The following RAB11FIP3 variants were observed in gnomAD, a reference collection of about 807,000 sequenced individuals.
The protein encoded by RAB11FIP3 is RAB11 family interacting protein 3.
RAB11FIP3 carries 17 observed loss-of-function variants against 77.8 expected under a neutral mutation model. That is an observed-to-expected ratio of 0.22 (90% confidence interval 0.15 to 0.33). The LOEUF (loss-of-function observed/expected upper bound fraction) is 0.33, where lower values mean the gene tolerates loss of function less well. Among genes scored for constraint, RAB11FIP3 ranks in the 10% least tolerant of loss-of-function variants. The pLI is 1.00. For missense variants in RAB11FIP3, 1,005 were observed against 1,011.2 expected, an observed-to-expected ratio of 0.99 and a Z score of 0.08; for synonymous variants, 437 against 448.2, an observed-to-expected ratio of 0.98 and a Z score of 0.31.
rs2032321933 is a variant in RAB11FIP3 at position 514,595 on chromosome 16, A to G, written c.1640+3795A>G. ...GACATCCTTGTTTAGGGACCGGGAA[A>G]GGAGAATATGTGTCATCAGCAGAAT... On this transcript the variant is annotated intron_variant, in intron 9 of 13. Transcript: ENST00000262305. The surrounding 1 kb of genome is among the most constrained non-coding windows in gnomAD (Gnocchi z 4.6). Among the ~76,000 whole-genome samples the G allele has an allele frequency of 6.6e-6, 1 of 152,192 alleles. No homozygotes were observed. The highest frequency in any genetic ancestry group is 1.5e-5 in the Non-Finnish European group (1 of 68,032).
At chr16:491,223 G>T (rs1301150110) in intron 5 of RAB11FIP3, 1 of 1,304,724 alleles carries the variant, frequency 7.7e-7, no homozygotes, top group Non-Finnish European at 1.0e-6. Context: ...CAAATCAACC[G>T]CCTTGAGGAT....
At chr16:457,309 CAGTA>C (rs1442061049) in intron 1 of RAB11FIP3, among the ~76,000 whole-genome samples, 1 of 152,116 alleles carries the variant, frequency 6.6e-6, no homozygotes, top group Non-Finnish European at 1.5e-5. Flanking sequence ...TGCAATTTGT[CAGTA>C]AGTTTTTCAT....
intron 1 of RAB11FIP3, among the ~76,000 whole-genome samples, chr16:456,777 A>G (rs1239872407): frequency 6.6e-6 from 1 of 152,188 alleles, no homozygotes; most frequent in Non-Finnish European, 1.5e-5. Context: ...AAAAAAACCA[A>G]CAAAAAAACA....
intron 9 of RAB11FIP3, among the ~76,000 whole-genome samples, chr16:511,963 G>C (rs541291905): frequency 1.2e-3 from 172 of 144,564 alleles, no homozygotes; most frequent in Non-Finnish European, 2.1e-3. Flanking sequence ...TGCAGGCCAG[G>C]TAGGAGAGGT....
intron 1 of RAB11FIP3, among the ~76,000 whole-genome samples, chr16:451,203 A>G (rs1229925754): frequency 1.3e-5 from 2 of 151,992 alleles, no homozygotes; most frequent in African/African-American, 2.4e-5. Context: ...TTTTATTTCA[A>G]TGAAGCTGTT....
intron 4 of RAB11FIP3, among the ~76,000 whole-genome samples, chr16:484,991 GA>G (rs1338982828): frequency 6.6e-6 from 1 of 152,112 alleles, no homozygotes; most frequent in Non-Finnish European, 1.5e-5. Flanking sequence ...GGGGCATGCA[GA>G]GACCCTGCCA....
At chr16:515,046 A>C (rs970997011) in intron 9 of RAB11FIP3, among the ~76,000 whole-genome samples, 1 of 152,180 alleles carries the variant, frequency 6.6e-6, no homozygotes, top group Non-Finnish European at 1.5e-5. Flanking sequence ...AGAAGTCAGA[A>C]AGACTGACCC....
In RAB11FIP3 at chr16:461,781, A is replaced by T. The variant is rs117987454; in HGVS notation, c.808+284A>T. On this transcript the variant is annotated intron_variant, in intron 2 of 13. Transcript: ENST00000262305. This position sits in a 1 kb window ranked among gnomAD's most constrained non-coding sequence, Gnocchi z 4.5. Reference sequence around the variant, plus strand: ...CATGATGACAATTTGAGAATTTTCAAAATATTGAAAGAATGATTCCATGGC... The same window carrying T: ...CATGATGACAATTTGAGAATTTTCATAATATTGAAAGAATGATTCCATGGC... 6.8e-4 allele frequency among the ~76,000 whole-genome samples: 104 copies of T among 152,198 alleles called. No individual in the cohort carries two copies. The highest frequency in any genetic ancestry group is 1.3e-3 in the Non-Finnish European group (86 of 68,010).
intron 1 of RAB11FIP3, among the ~76,000 whole-genome samples, chr16:436,714 C>G (rs1394448871): frequency 6.6e-6 from 1 of 152,082 alleles, no homozygotes; most frequent in African/African-American, 2.4e-5. Context: ...AAAGGATCTG[C>G]CCACCTCGGC....
chr16:510,446 A>AC lies in RAB11FIP3; in HGVS notation c.1500-210dup, dbSNP rs371869983. The AC allele has an allele frequency of 1.7e-4, 94 of 560,572 alleles. 3 individuals are homozygous for AC. Among genetic ancestry groups the AC allele is most frequent in the Middle Eastern group, 1.4e-3 (3 of 2,076 alleles). 34.7% of individuals were successfully genotyped at this position (560,572 alleles called of 1,614,324 possible). On this transcript the variant is annotated intron_variant, in intron 8 of 13. Transcript: ENST00000262305. Reference sequence around the variant, plus strand: ...AGGTGCAGTGGACACTGCTCCGGCCACCCCAGGTGCCTTTAGTGTGGGAGG... The same window carrying AC: ...AGGTGCAGTGGACACTGCTCCGGCCACCCCCAGGTGCCTTTAGTGTGGGAGG...
rs927341456 is a variant in RAB11FIP3 at position 491,350 on chromosome 16, C to G, written c.1265+2350C>G. 2.4e-6 allele frequency: 3 copies of G among 1,239,756 alleles called. No individual in the cohort carries two copies. In the African/African-American group the frequency reaches 4.7e-5, roughly 19 times the overall value. 76.8% of individuals were successfully genotyped at this position (1,239,756 alleles called of 1,614,324 possible). A position where few individuals can be genotyped will look rare whatever the true frequency, so the allele number is the denominator to read the frequency against. Reference sequence around the variant, plus strand: ...TACCCACAGCCCCCTTGAGGGCCTGCCCCGAGGCGACCAGGAGCCTCTCAG... The same window carrying G: ...TACCCACAGCCCCCTTGAGGGCCTGGCCCGAGGCGACCAGGAGCCTCTCAG... On this transcript the variant is annotated intron_variant, in intron 5 of 13. Transcript: ENST00000262305.
intron 9 of RAB11FIP3, among the ~76,000 whole-genome samples, chr16:512,372 C>G (rs979372725): frequency 3.3e-5 from 5 of 151,746 alleles, no homozygotes; most frequent in African/African-American, 4.8e-5. Context: ...TCCCGAGTAG[C>G]TGGGACTACA....
chr16:460,354 A>T (rs1290921970), intron 1 of RAB11FIP3, among the ~76,000 whole-genome samples: 1 of 152,028 alleles, frequency 6.6e-6, no homozygotes, highest in Non-Finnish European at 1.5e-5. Context: ...CATGTGTAGG[A>T]TGTACAGGTT....
intron 1 of RAB11FIP3, among the ~76,000 whole-genome samples, chr16:427,115 T>G (rs979817373): frequency 6.6e-6 from 1 of 152,214 alleles, no homozygotes; most frequent in Admixed American, 6.5e-5. Flanking sequence ...GCCCAGATAC[T>G]GCTCGGCTGA....
At chr16:483,694 A>G (rs1037317445) in intron 4 of RAB11FIP3, among the ~76,000 whole-genome samples, 1 of 152,086 alleles carries the variant, frequency 6.6e-6, no homozygotes, top group Middle Eastern at 3.2e-3. Context: ...GCAGGAGGGA[A>G]TTAACTCGGA....
Position 492,394 on chromosome 16 carries a change from C to CCCGGGAGACCCGAGGCCGCCCAGGGCCCT in RAB11FIP3, c.1265+3396_1265+3397insGGGAGACCCGAGGCCGCCCAGGGCCCTCC. Among the ~76,000 whole-genome samples the CCCGGGAGACCCGAGGCCGCCCAGGGCCCT allele has an allele frequency of 2.5e-3, 81 of 32,104 alleles. 11 individuals are homozygous for CCCGGGAGACCCGAGGCCGCCCAGGGCCCT. The highest frequency in any genetic ancestry group is 3.7e-3 in the East Asian group (4 of 1,080). The allele number at this position is 32,104 out of a possible 152,430, so 21.1% of individuals were successfully genotyped here. On this transcript the variant is annotated intron_variant, in intron 5 of 13. Transcript: ENST00000262305. Reference sequence around the variant, plus strand: ...GAGACCCGAGGCCGCCCAGAGCCCTCCCCGGGAGACCCGAGGCCGCCCAGG... The same window carrying CCCGGGAGACCCGAGGCCGCCCAGGGCCCT: ...GAGACCCGAGGCCGCCCAGAGCCCTCCCGGGAGACCCGAGGCCGCCCAGGGCCCTCCCGGGAGACCCGAGGCCGCCCAGG...
chr16:513,228 T>C (rs978375266), intron 9 of RAB11FIP3, among the ~76,000 whole-genome samples: 1 of 152,044 alleles, frequency 6.6e-6, no homozygotes, highest in Admixed American at 6.6e-5. Context: ...GTTTGTTTGT[T>C]TGTCTGTTTT....
intron 1 of RAB11FIP3, among the ~76,000 whole-genome samples, chr16:432,275 G>C (rs2141841540): frequency 6.6e-6 from 1 of 152,066 alleles, no homozygotes; most frequent in African/African-American, 2.4e-5. Flanking sequence ...TACTTCAGAG[G>C]TCGAGGCAGG....
chr16:476,278 A>C (rs139280817), intron 3 of RAB11FIP3, among the ~76,000 whole-genome samples: 1 of 152,132 alleles, frequency 6.6e-6, no homozygotes, highest in Non-Finnish European at 1.5e-5. Context: ...AATCTGCCTC[A>C]TTGTTCCTGT....
Sources: allele counts gnomAD v4.1 joint callset (sites outside exome capture counted in the v4.1 genomes callset), GRCh38; gene constraint gnomAD v4.1.1; non-coding constraint Gnocchi (gnomAD v3.1); transcripts MANE v1.5; gene names NCBI Gene and HGNC (gene_info 2026-07-23, HGNC 2026-07-21).